FSD1L: variants seen among roughly 807,000 people sequenced by gnomAD.
FSD1L encodes fibronectin type III and SPRY domain containing 1 like.
FSD1L carries 45 observed loss-of-function variants against 71.6 expected under a neutral mutation model. The ratio of observed to expected loss-of-function variants is 0.63; its 90% CI spans 0.49 to 0.81. FSD1L has a LOEUF of 0.81. FSD1L is among the 30% of genes least tolerant of loss of function. The pLI, the probability that FSD1L is intolerant of heterozygous loss-of-function variation, is 0.00. For synonymous variants in FSD1L, 197 were observed against 207.2 expected (o/e 0.95, Z 0.42); for missense variants, 561 against 618.1 (o/e 0.91, Z 0.98).
At chr9:105,472,701 C>T (rs1017087837) in intron 5 of FSD1L, 10 of 152,230 alleles carry the variant, frequency 6.6e-5, no homozygotes, top group African/African-American at 2.4e-4. Flanking sequence ...AGAAAGGTAG[C>T]TTTATAACTG....
intron 7 of FSD1L, among the ~76,000 whole-genome samples, chr9:105,489,591 G>C (rs574366026): frequency 6.6e-6 from 1 of 152,078 alleles, no homozygotes; most frequent in Non-Finnish European, 1.5e-5. Context: ...TGCCATGCTG[G>C]TGTGCTGCAC....
At chr9:105,443,112 T>C (rs549794582), upstream of FSD1L, among the ~76,000 whole-genome samples, 57 of 152,346 alleles carry the variant, frequency 3.7e-4, no homozygotes, top group African/African-American at 1.3e-3. Flanking sequence ...GGCTTAGAGC[T>C]CTTCAAGTAG....
At chr9:105,521,472 A>G (rs1835150731) in intron 10 of FSD1L, 2 of 1,613,928 alleles carry the variant, frequency 1.2e-6, no homozygotes, top group Non-Finnish European at 1.7e-6. Flanking sequence ...TAAAAGGAGT[A>G]ATGTAAACTT....
chr9:105,473,980 C>G (rs926698861), intron 5 of FSD1L, among the ~76,000 whole-genome samples: 5 of 152,180 alleles, frequency 3.3e-5, no homozygotes, highest in African/African-American at 1.2e-4. Flanking sequence ...TGTCTTGCAG[C>G]AGTTTATAGT....
chr9:105,498,729 C>A (rs1833581614), intron 7 of FSD1L, among the ~76,000 whole-genome samples: 1 of 151,940 alleles, frequency 6.6e-6, no homozygotes, highest in Non-Finnish European at 1.5e-5. Flanking sequence ...TCATTTAGTT[C>A]AAAATATTTT....
intron 6 of FSD1L, among the ~76,000 whole-genome samples, chr9:105,483,288 C>T (rs1002916121): frequency 6.6e-6 from 1 of 152,156 alleles, no homozygotes; most frequent in Admixed American, 6.5e-5. Context: ...AATAGCTTGA[C>T]ATTTTTCATC....
rs1837081990 is a variant in FSD1L, at chr9:105,547,595, CTCAG to C, written c.*1115_*1118del. ...CCATTCATTCAGAGGTTTGTTTTCT[CTCAG>C]TCCTTTTGCTACATTCACTTTCTTT... On this transcript the variant is annotated 3_prime_UTR_variant, in exon 14 of 14. Coordinates refer to ENST00000481272, the MANE Select transcript of FSD1L (RefSeq NM_001145313.3). 1 of 152,014 alleles carries C rather than the reference CTCAG, an allele frequency of 6.6e-6. No individual in the cohort carries two copies. Among genetic ancestry groups the C allele is most frequent in the East Asian group, 1.9e-4 (1 of 5,188 alleles). 9.4% of individuals were successfully genotyped at this position (152,014 alleles called of 1,614,324 possible). A position where few individuals can be genotyped will look rare whatever the true frequency, so the allele number is the denominator to read the frequency against.
chr9:105,529,608 A>G (rs1835762577), intron 10 of FSD1L, among the ~76,000 whole-genome samples: 1 of 151,986 alleles, frequency 6.6e-6, no homozygotes, highest in Non-Finnish European at 1.5e-5. Context: ...AACATCACAC[A>G]TGGGGCCTGT....
At chr9:105,451,973 G>A (rs1310261952) in intron 1 of FSD1L, among the ~76,000 whole-genome samples, 10 of 152,132 alleles carry the variant, frequency 6.6e-5, no homozygotes. Flanking sequence ...GTCACCAAGA[G>A]CATATATTGT....
chr9:105,524,533 A>G (rs893616397), intron 10 of FSD1L: 90 of 1,613,848 alleles, frequency 5.6e-5, no homozygotes, highest in Middle Eastern at 3.3e-4. Flanking sequence ...TCTGTTCTCA[A>G]TTGCATTTAT....
chr9:105,544,830 C>G (rs1445767883), intron 13 of FSD1L, among the ~76,000 whole-genome samples: 2 of 152,106 alleles, frequency 1.3e-5, no homozygotes, highest in Non-Finnish European at 2.9e-5. Context: ...GTTCCTGTAG[C>G]CTTGTAGTAT....
rs1350305694 is a variant in FSD1L, at chr9:105,551,173, G to A, written c.*4690G>A. On this transcript the variant is annotated 3_prime_UTR_variant, in exon 14 of 14. Transcript: ENST00000481272. ...TGAGTCTAATTTACCTATTAAGGGA[G>A]ACTCTTTAAAATCAACTTTATAACT... The A allele has an allele frequency of 1.3e-5, 2 of 151,976 alleles. No homozygotes were observed. Among genetic ancestry groups the A allele is most frequent in the South Asian group, 2.1e-4 (1 of 4,824 alleles). The allele number at this position is 151,976 out of a possible 1,614,324, so 9.4% of individuals were successfully genotyped here.
chr9:105,516,233 C>T (rs1834711006), intron 10 of FSD1L, among the ~76,000 whole-genome samples: 1 of 152,202 alleles, frequency 6.6e-6, no homozygotes, highest in Non-Finnish European at 1.5e-5. Context: ...TGGGACAGAG[C>T]CCCTGGGGGA....
chr9:105,526,225 T>G, intron 10 of FSD1L: 3 of 1,599,362 alleles, frequency 1.9e-6, no homozygotes, highest in Non-Finnish European at 2.6e-6. Context: ...GTATCAAAAC[T>G]TCTATGAGGA....
chr9:105,511,135 T>A (rs1285984501), intron 9 of FSD1L, among the ~76,000 whole-genome samples: 1 of 151,984 alleles, frequency 6.6e-6, no homozygotes, highest in African/African-American at 2.4e-5. Context: ...GCCTTTTTGT[T>A]TGGATGCTGC....
intron 7 of FSD1L, among the ~76,000 whole-genome samples, chr9:105,491,967 G>T (rs868174445): frequency 2.3e-4 from 35 of 151,694 alleles, no homozygotes; most frequent in Admixed American, 9.8e-4. Flanking sequence ...TCTCTTTTTT[G>T]GTTGTGTCTC....
At chr9:105,498,913 C>G (rs1244662250) in intron 7 of FSD1L, among the ~76,000 whole-genome samples, 1 of 152,172 alleles carries the variant, frequency 6.6e-6, no homozygotes, top group Non-Finnish European at 1.5e-5. Flanking sequence ...CCACCGCGCC[C>G]ATGCTAGAAG....
Position 105,508,655 on chromosome 9 carries a change from C to T in FSD1L, c.835C>T (p.Arg279Ter), listed in dbSNP as rs1289314162. Residue 279 changes from arginine to a stop codon, truncating the protein, a stop_gained, in exon 9 of 14, where the codon CGA becomes TGA. Coordinates refer to ENST00000481272, the MANE Select transcript of FSD1L (RefSeq NM_001145313.3). LOFTEE classifies it high-confidence loss of function. ...TTCAAAGTATATGAATTTCAGAGTG[C>T]GAGCTTGTAACAAGGCTGTGGCTGG... ...FDSKYMNFRV[R>*]ACNKAVAGEY... is the part of the protein sequence containing the mutation. 5.2e-6 allele frequency: 8 copies of T among 1,551,128 alleles called. No individual in the cohort carries two copies. Among genetic ancestry groups the T allele is most frequent in the Admixed American group, 3.9e-5 (2 of 50,964 alleles).
chr9:105,481,500 A>G (rs1051840459), intron 6 of FSD1L, among the ~76,000 whole-genome samples: 2 of 151,816 alleles, frequency 1.3e-5, no homozygotes, highest in Non-Finnish European at 2.9e-5. Flanking sequence ...CATGTTGGCC[A>G]GGCTCGTCTC....
Sources: allele counts gnomAD v4.1 joint callset (sites outside exome capture counted in the v4.1 genomes callset), GRCh38; gene constraint gnomAD v4.1.1; transcripts MANE v1.5; gene names NCBI Gene and HGNC (gene_info 2026-07-23, HGNC 2026-07-21).